Variants in MYCT1 observed in about 807,000 individuals in gnomAD.
MYCT1 encodes the protein MYC target 1.
Under a neutral mutation model 15.0 loss-of-function variants are expected in MYCT1, and 12 were observed. That is an observed-to-expected ratio of 0.80 (90% CI 0.51 to 1.29). The LOEUF is 1.29. MYCT1 is among the 50% of genes most tolerant of loss of function. The probability of loss-of-function intolerance (pLI) is 0.00; values close to 1 mark genes in which losing one functional copy is unlikely to be tolerated. For missense variants in MYCT1, 287 were observed against 279.1 expected (o/e 1.03, Z -0.20); for synonymous variants, 104 against 102.7 (o/e 1.01, Z -0.07).
chr6:152,730,691 T>C, the MYCT1 span, among the ~76,000 whole-genome samples: 3 of 152,188 alleles, frequency 2.0e-5, no homozygotes, highest in South Asian at 2.1e-4. Flanking sequence ...CTTTCCTTCA[T>C]AGGTAATGAA....
the MYCT1 span, among the ~76,000 whole-genome samples, chr6:152,733,945 C>T: frequency 6.6e-6 from 1 of 151,876 alleles, no homozygotes; most frequent in Non-Finnish European, 1.5e-5. Flanking sequence ...GACCTTATCC[C>T]ATCACTCCAT....
At chr6:152,745,104 G>A in the MYCT1 span, among the ~76,000 whole-genome samples, 1 of 152,110 alleles carries the variant, frequency 6.6e-6, no homozygotes. Flanking sequence ...CTCCATTCTA[G>A]GACAAATCTC....
intron 1 of MYCT1, among the ~76,000 whole-genome samples, chr6:152,714,537 T>C (rs138708723): frequency 6.6e-6 from 1 of 151,358 alleles, no homozygotes; most frequent in East Asian, 1.9e-4. Context: ...CACAATTTTA[T>C]CAGAATTCAG....
intron 1 of MYCT1, among the ~76,000 whole-genome samples, chr6:152,701,181 A>AT (rs1398343082): frequency 6.6e-6 from 1 of 152,150 alleles, no homozygotes; most frequent in East Asian, 1.9e-4. Flanking sequence ...CTAGTCATTC[A>AT]TTTTTTTCCC....
the MYCT1 span, among the ~76,000 whole-genome samples, chr6:152,732,366 GAAAT>G: frequency 6.6e-6 from 1 of 152,098 alleles, no homozygotes; most frequent in African/African-American, 2.4e-5. Flanking sequence ...GCATATATGG[GAAAT>G]TAGTTATGAT....
At chr6:152,732,674 TAA>T in the MYCT1 span, among the ~76,000 whole-genome samples, 1 of 152,254 alleles carries the variant, frequency 6.6e-6, no homozygotes, top group African/African-American at 2.4e-5. Flanking sequence ...GGATTTATTA[TAA>T]GTGTGTAGTA....
chr6:152,721,953 C>A lies in MYCT1; in HGVS notation c.408C>A (p.Asn136Lys), dbSNP rs552013150. The A allele has an allele frequency of 6.2e-7, 1 of 1,614,174 alleles. No individual in the cohort carries two copies. Among genetic ancestry groups the A allele is most frequent in the East Asian group, 2.2e-5 (1 of 44,882 alleles). Residue 136 changes from asparagine (N) to lysine (K), a missense_variant, in exon 2 of 2, where the codon AAC becomes AAA. Asn to Lys is a moderately conservative substitution (Grantham distance 94). Coordinates refer to ENST00000367245, the MANE Select transcript of MYCT1 (RefSeq NM_025107.3). ...ACAGTGGCTGTGAACGTCGAAGCAA[C>A]CTCAGCCTGGCCAGTCTCACCTTCC... ...YRHSGCERRS[N>K]LSLASLTFQR...
At position 152,722,173 on chromosome 6, in the gene MYCT1, A is replaced by C. The variant is rs1349222548; in HGVS notation, c.628A>C (p.Ser210Arg). 3.7e-6 allele frequency: 6 copies of C among 1,614,052 alleles called. No individual in the cohort carries two copies. Among genetic ancestry groups the C allele is most frequent in the Non-Finnish European group, 5.1e-6 (6 of 1,180,034 alleles). ...TCTGAGCCGTCCTGACTACTGGTCC[A>C]GTAACAGTCTTCGAGTGGGCCTTTC... ...HSLSRPDYWS[S>R]NSLRVGLSTP... The change falls in exon 2 of 2, where the codon AGT becomes CGT. Residue 210 changes from serine to arginine, a missense_variant. By Grantham distance (110) the Ser-to-Arg change is moderately radical. Coordinates refer to ENST00000367245, the MANE Select transcript of MYCT1 (RefSeq NM_025107.3).
chr6:152,706,847 A>ATGTGTGTGTGTGTGTGTGTGTG (rs4034690), intron 1 of MYCT1, among the ~76,000 whole-genome samples: 72 of 148,302 alleles, frequency 4.9e-4, no homozygotes, highest in African/African-American at 1.6e-3. Flanking sequence ...GAAACCATAT[A>ATGTGTGTGTGTGTGTGTGTGTG]TGTGTGTGTG....
the MYCT1 span, among the ~76,000 whole-genome samples, chr6:152,745,808 G>A: frequency 6.6e-6 from 1 of 152,146 alleles, no homozygotes; most frequent in Non-Finnish European, 1.5e-5. Context: ...TTCCTTGGAT[G>A]GTATTTTGGG....
At chr6:152,727,378 G>T (rs1480093065), downstream of MYCT1, among the ~76,000 whole-genome samples, 1 of 152,192 alleles carries the variant, frequency 6.6e-6, no homozygotes, top group East Asian at 1.9e-4. Context: ...GATATGGGGA[G>T]ACACAAAGTA....
At chr6:152,712,770 G>A (rs951086031) in intron 1 of MYCT1, among the ~76,000 whole-genome samples, 2 of 152,040 alleles carry the variant, frequency 1.3e-5, no homozygotes, top group Non-Finnish European at 2.9e-5. Flanking sequence ...CTTATTAAAA[G>A]TGAGTATTTA....
At chr6:152,734,931 A>G in the MYCT1 span, among the ~76,000 whole-genome samples, 1 of 152,204 alleles carries the variant, frequency 6.6e-6, no homozygotes, top group African/African-American at 2.4e-5. Flanking sequence ...AAATGCATTT[A>G]CTGGAAATTT....
Position 152,722,651 on chromosome 6 carries a change from C to T in MYCT1, c.*398C>T, listed in dbSNP as rs1156659934. ...AAAGAGAAAAAAAATCACTGTGTCA[C>T]TTTAAAGAAAAATCTTCTAAGGGAT... is the stretch of plus-strand genomic sequence containing the variant. On this transcript the variant is annotated 3_prime_UTR_variant, in exon 2 of 2. Coordinates refer to ENST00000367245, the MANE Select transcript of MYCT1 (RefSeq NM_025107.3). 4.3e-6 allele frequency: 1 copy of T among 234,844 alleles called. No homozygotes were observed. The highest frequency in any genetic ancestry group is 2.3e-5 in the African/African-American group (1 of 43,574). The allele number at this position is 234,844 out of a possible 1,614,324, so 14.5% of individuals were successfully genotyped here.
Position 152,706,465 on chromosome 6 carries a change from A to G in MYCT1, c.196+8367A>G, listed in dbSNP as rs555080076. ...TTACTACTATTTTCTTAAAATCAGG[A>G]TTTTGGTGCTTGCCACCACCAGATG... On this transcript the variant is annotated intron_variant, in intron 1 of 1. Coordinates refer to ENST00000367245, the MANE Select transcript of MYCT1 (RefSeq NM_025107.3). Among the ~76,000 whole-genome samples, 3 of 152,306 alleles carry G rather than the reference A, an allele frequency of 2.0e-5. No individual in the cohort carries two copies. In the East Asian group the frequency reaches 5.8e-4, roughly 29 times the overall value.
intron 1 of MYCT1, among the ~76,000 whole-genome samples, chr6:152,708,254 G>A (rs966732155): frequency 6.6e-6 from 1 of 151,900 alleles, no homozygotes; most frequent in Non-Finnish European, 1.5e-5. Flanking sequence ...CTATTGTAAT[G>A]GTGTAATTAT....
At chr6:152,714,835 G>A (rs2129069785) in intron 1 of MYCT1, among the ~76,000 whole-genome samples, 1 of 151,434 alleles carries the variant, frequency 6.6e-6, no homozygotes, top group East Asian at 1.9e-4. Context: ...ATTTATTTAA[G>A]TATATAACTT....
chr6:152,702,643 A>G (rs2099721516), intron 1 of MYCT1, among the ~76,000 whole-genome samples: 1 of 152,166 alleles, frequency 6.6e-6, no homozygotes, highest in African/African-American at 2.4e-5. Flanking sequence ...ATGTTCCCCA[A>G]GAAGTTAAGA....
At chr6:152,716,442 T>C (rs2099723704) in intron 1 of MYCT1, among the ~76,000 whole-genome samples, 1 of 152,186 alleles carries the variant, frequency 6.6e-6, no homozygotes, top group South Asian at 2.1e-4. Context: ...TTTTAAACAA[T>C]GTTACATTCT....
Sources: gnomAD v4.1 joint callset for allele counts (sites outside exome capture counted in the v4.1 genomes callset) on GRCh38, gnomAD v4.1.1 for gene constraint, MANE v1.5 for transcripts, NCBI Gene and HGNC (gene_info 2026-07-23, HGNC 2026-07-21) for gene names.